Variants in TMEM89 observed in about 807,000 individuals in gnomAD.
The protein encoded by TMEM89 is transmembrane protein 89.
A neutral mutation model predicts 9.3 loss-of-function variants in TMEM89; 4 were observed. The observed-to-expected ratio is 0.43, with a 90% confidence interval of 0.21 to 0.98. The LOEUF (loss-of-function observed/expected upper bound fraction) is 0.98, where lower values mean the gene tolerates loss of function less well. Among genes scored for constraint, TMEM89 ranks in the 50% least tolerant of loss-of-function variants. The pLI, the probability that TMEM89 is intolerant of heterozygous loss-of-function variation, is 0.27. For synonymous variants in TMEM89, 96 were observed against 92.5 expected (o/e 1.04, Z -0.21); for missense variants, 220 against 214.7 (o/e 1.02, Z -0.15).
rs201093529 is a variant in TMEM89, at chr3:48,621,047, G to C, written c.295-20C>G. On this transcript the variant is annotated intron_variant, in intron 1 of 1. Coordinates refer to ENST00000330862, the MANE Select transcript of TMEM89 (RefSeq NM_001008269.3). ...CGGATGCTGAGACCAGGACCAAGAG[G>C]CAGGAGTGAGAATGGTGGGCAGAGA... 866 of 1,609,222 alleles carry C rather than the reference G, an allele frequency of 5.4e-4. No homozygotes were observed. Among genetic ancestry groups the C allele is most frequent in the Non-Finnish European group, 7.0e-4 (828 of 1,176,236 alleles).
Position 48,620,935 on chromosome 3 carries a change from C to A in TMEM89, c.387G>T (p.Leu129=). 6.2e-7 allele frequency: 1 copy of A among 1,614,172 alleles called. No individual in the cohort carries two copies. Among genetic ancestry groups the A allele is most frequent in the South Asian group, 1.1e-5 (1 of 91,086 alleles). The part of the protein sequence containing the change: ...HTLLRGVLHM[L]DALLVHIEGH... Reference sequence around the variant, plus strand: ...CTTCGATGTGGACCAGGAGGGCATCCAGCATGTGCAGGACCCCACGGAGCA... The same window carrying A: ...CTTCGATGTGGACCAGGAGGGCATCAAGCATGTGCAGGACCCCACGGAGCA... The change falls in exon 2 of 2, where the codon CTG becomes CTT. Residue 129 remains leucine, a synonymous_variant. Transcript: ENST00000330862.
At chr3:48,621,401 G>A (rs1411865671) in intron 1 of TMEM89, 62 bp downstream of exon 1, 20 of 1,569,032 alleles carry the variant, frequency 1.3e-5, no homozygotes, top group South Asian at 2.3e-5. Flanking sequence ...TGGAAGACGG[G>A]CTCACTGAGC....
At position 48,620,931 on chromosome 3, in the gene TMEM89, C is replaced by G. The variant is rs370287530; in HGVS notation, c.391G>C (p.Ala131Pro). 20 of 1,614,142 alleles carry G rather than the reference C, an allele frequency of 1.2e-5. No individual in the cohort carries two copies. The highest frequency in any genetic ancestry group is 2.5e-6 in the Non-Finnish European group (3 of 1,180,026). The change falls in exon 2 of 2, where the codon GCC (alanine) becomes CCC (proline). Residue 131 changes from alanine (A) to proline (P), a missense_variant. By Grantham distance (27) the Ala-to-Pro change is conservative. Transcript: ENST00000330862. ...TGGCCTTCGATGTGGACCAGGAGGG[C>G]ATCCAGCATGTGCAGGACCCCACGG... ...LLRGVLHMLD[A>P]LLVHIEGHLR...
chr3:48,620,829 G>C lies in TMEM89; in HGVS notation c.*13C>G, dbSNP rs775512623. 1 of 1,613,734 alleles carries C rather than the reference G, an allele frequency of 6.2e-7. No homozygotes were observed. Among genetic ancestry groups the C allele is most frequent in the South Asian group, 1.1e-5 (1 of 91,068 alleles). On this transcript the variant is annotated 3_prime_UTR_variant, in exon 2 of 2. Transcript: ENST00000330862. ...GACCTCAGGCTGTCAGGCAAAGAGA[G>C]GCACATGTTCGGTCACCCACTCTGG... is the stretch of plus-strand genomic sequence containing the variant.
In TMEM89 at chr3:48,620,874, G is replaced by C; in HGVS notation, c.448C>G (p.Gln150Glu). 1 of 1,614,198 alleles carries C rather than the reference G, an allele frequency of 6.2e-7. No individual in the cohort carries two copies. Among genetic ancestry groups the C allele is most frequent in the Non-Finnish European group, 8.5e-7 (1 of 1,180,030 alleles). Residue 150 changes from glutamine (Q) to glutamate (E), a missense_variant, in exon 2 of 2, where the codon CAA becomes GAA. Gln to Glu is a conservative substitution (Grantham distance 29, BLOSUM62 2). Transcript: ENST00000330862. ...LRHLATQRQI[Q>E]IKGTSTQSG ...CTCTGGGTGGAAGTCCCCTTTATTT[G>C]GATTTGCCGCTGGGTGGCTAGATGA...
rs1307774826 is a variant in TMEM89, at chr3:48,621,393, G to C, written c.294+70C>G. 1.0e-5 allele frequency: 16 copies of C among 1,555,656 alleles called. No homozygotes were observed. The Admixed American group carries it at 2.1e-4, about 21-fold the overall frequency. On this transcript the variant is annotated intron_variant, in intron 1 of 1. Coordinates refer to ENST00000330862, the MANE Select transcript of TMEM89 (RefSeq NM_001008269.3). Reference sequence around the variant, plus strand: ...TGGACCCATGGGGCAGGGTTGGGTGGAAGACGGGCTCACTGAGCGTACGTA... The same window carrying C: ...TGGACCCATGGGGCAGGGTTGGGTGCAAGACGGGCTCACTGAGCGTACGTA...
In TMEM89 at chr3:48,621,760, C is replaced by T. The variant is rs895645456; in HGVS notation, c.-4G>A. The T allele has an allele frequency of 9.3e-6, 15 of 1,608,632 alleles. No homozygotes were observed. The highest frequency in any genetic ancestry group is 3.3e-5 in the South Asian group (3 of 90,766). On this transcript the variant is annotated 5_prime_UTR_variant, in exon 1 of 2. Transcript: ENST00000330862. ...GCGAGGCCAGCACATGCAGCATGGC[C>T]GTCGCTAGTGCCAGGGCCGGAACCC...
chr3:48,620,865 C>A lies in TMEM89; in HGVS notation c.457G>T (p.Gly153Trp). The A allele has an allele frequency of 1.2e-6, 2 of 1,614,146 alleles. No individual in the cohort carries two copies. The highest frequency in any genetic ancestry group is 1.7e-6 in the Non-Finnish European group (2 of 1,180,020). ...GGTCACCCACTCTGGGTGGAAGTCC[C>A]CTTTATTTGGATTTGCCGCTGGGTG... ...LATQRQIQIKGTSTQSG is the reference protein window; with the variant it reads ...LATQRQIQIKWTSTQSG The change falls in exon 2 of 2, where the codon GGG becomes TGG. Residue 153 changes from glycine to tryptophan, a missense_variant. Gly to Trp is a radical substitution (Grantham distance 184). Coordinates refer to ENST00000330862, the MANE Select transcript of TMEM89 (RefSeq NM_001008269.3).
intron 1 of TMEM89, 25 bp downstream of exon 1, chr3:48,621,438 G>C: frequency 1.2e-6 from 2 of 1,607,532 alleles, no homozygotes; most frequent in Non-Finnish European, 1.7e-6. Context: ...AGGGGCTGTG[G>C]GGGAGAAAGA....
intron 1 of TMEM89, 87 bp from the exon 2 acceptor site, chr3:48,621,114 G>T: frequency 7.1e-7 from 1 of 1,403,060 alleles, no homozygotes; most frequent in Non-Finnish European, 9.9e-7. Context: ...GGGGAGCAGG[G>T]AGTAGGGTGT....
intron 1 of TMEM89, 136 bp from the exon 2 acceptor site, chr3:48,621,163 T>A (rs1295295439): frequency 1.7e-5 from 16 of 914,950 alleles, no homozygotes; most frequent in Non-Finnish European, 2.5e-5. Flanking sequence ...AGACTCAGGG[T>A]GATAGAGGAT....
Position 48,621,736 on chromosome 3 carries a change from C to T in TMEM89, c.21G>A (p.Ser7=), listed in dbSNP as rs200739908. Residue 7 remains serine (S), a synonymous_variant, in exon 1 of 2, where the codon TCG becomes TCA. Transcript: ENST00000330862. ...TCACCAGCAGGAGCAGCAAAGGCAG[C>T]GAGGCCAGCACATGCAGCATGGCCG... MLHVLA[S]LPLLLLLVTS... 42 of 1,612,886 alleles carry T rather than the reference C, an allele frequency of 2.6e-5. No individual in the cohort carries two copies. The Middle Eastern group carries it at 1.0e-3, about 40-fold the overall frequency.
rs372935837 is a variant in TMEM89, at chr3:48,620,836, G to A, written c.*6C>T. 3.0e-5 allele frequency: 48 copies of A among 1,614,034 alleles called. No homozygotes were observed. In the African/African-American group the frequency reaches 6.3e-4, roughly 21 times the overall value. On this transcript the variant is annotated 3_prime_UTR_variant, in exon 2 of 2. Transcript: ENST00000330862. Reference sequence around the variant, plus strand: ...GGCTGTCAGGCAAAGAGAGGCACATGTTCGGTCACCCACTCTGGGTGGAAG... The same window carrying A: ...GGCTGTCAGGCAAAGAGAGGCACATATTCGGTCACCCACTCTGGGTGGAAG...
Position 48,620,777 on chromosome 3 carries a change from G to T in TMEM89, c.*65C>A. 6.7e-7 allele frequency: 1 copy of T among 1,496,508 alleles called. No homozygotes were observed. The highest frequency in any genetic ancestry group is 9.3e-7 in the Non-Finnish European group (1 of 1,076,448). 92.7% of individuals were successfully genotyped at this position (1,496,508 alleles called of 1,614,324 possible). ...TGAAAAGGGACACACGGTCCAGACA[G>T]GCCTGGAAAGAGCAGACCTGGCCCA... On this transcript the variant is annotated 3_prime_UTR_variant, in exon 2 of 2. Transcript: ENST00000330862.
rs144864833 is a variant in TMEM89 at position 48,621,460 on chromosome 3, C to G, written c.294+3G>C. The G allele has an allele frequency of 3.7e-6, 6 of 1,612,110 alleles. No individual in the cohort carries two copies. The East Asian group carries it at 1.3e-4, about 36-fold the overall frequency. On this transcript the variant is annotated splice_donor_region_variant and intron_variant, in intron 1 of 1. Transcript: ENST00000330862. Reference sequence around the variant, plus strand: ...GTGGGGGAGAAAGAAGAGCTGTGCTCACCTCACCCTTGGTGGCCTGTGAGC... The same window carrying G: ...GTGGGGGAGAAAGAAGAGCTGTGCTGACCTCACCCTTGGTGGCCTGTGAGC...
Position 48,621,649 on chromosome 3 carries a change from C to T in TMEM89, c.108G>A (p.Gln36=). ...PLWYQVGLDL[Q]PWGCQPKSVE... is the part of the protein sequence containing the mutation. ...CACTCTTTGGCTGACACCCCCAGGGCTGCAAGTCCAGCCCCACCTGGTACC... is the reference window on the plus strand; with the variant it reads ...CACTCTTTGGCTGACACCCCCAGGGTTGCAAGTCCAGCCCCACCTGGTACC... Residue 36 remains glutamine, a synonymous_variant, in exon 1 of 2, where the codon CAG becomes CAA. Coordinates refer to ENST00000330862, the MANE Select transcript of TMEM89 (RefSeq NM_001008269.3). The T allele has an allele frequency of 2.5e-6, 4 of 1,614,012 alleles. No homozygotes were observed. Among genetic ancestry groups the T allele is most frequent in the Non-Finnish European group, 3.4e-6 (4 of 1,179,990 alleles).
rs1243996387 is a variant in TMEM89 at position 48,621,490 on chromosome 3, C to A, written c.267G>T (p.Arg89=). Residue 89 remains arginine (R), a synonymous_variant, in exon 1 of 2, where the codon CGG becomes CGT. Transcript: ENST00000330862. ...CACCCTTGGTGGCCTGTGAGCGCCG[C>A]CGCCCCTGCAGTATCTTGCGGCAGA... ...LMICRKILQG[R]RRSQATKGEH... 1.2e-6 allele frequency: 2 copies of A among 1,613,532 alleles called. No individual in the cohort carries two copies. Among genetic ancestry groups the A allele is most frequent in the African/African-American group, 2.7e-5 (2 of 74,880 alleles).
At chr3:48,621,104 G>A in intron 1 of TMEM89, 77 bp from the exon 2 acceptor site, 5 of 1,468,532 alleles carry the variant, frequency 3.4e-6, no homozygotes, top group Non-Finnish European at 2.8e-6. Flanking sequence ...TGATGGAGCT[G>A]GGGAGCAGGG....
At position 48,621,537 on chromosome 3, in the gene TMEM89, T is replaced by A. The variant is rs762569497; in HGVS notation, c.220A>T (p.Ile74Phe). ...CAGATCATCAGCATCGTGGTGGTGA[T>A]CATGACCGCAGCCACGGGGTAGATG... ...SRIYPVAAVM[I>F]TTTMLMICRK... Residue 74 changes from isoleucine to phenylalanine, a missense_variant, in exon 1 of 2, where the codon ATC becomes TTC. By Grantham distance (21) the Ile-to-Phe change is conservative (BLOSUM62 0). Transcript: ENST00000330862. The A allele has an allele frequency of 6.2e-7, 1 of 1,613,786 alleles. No individual in the cohort carries two copies. Among genetic ancestry groups the A allele is most frequent in the Non-Finnish European group, 8.5e-7 (1 of 1,179,968 alleles).
Sources: gnomAD v4.1 joint callset for allele counts on GRCh38, gnomAD v4.1.1 for gene constraint, MANE v1.5 for transcripts, NCBI Gene and HGNC (gene_info 2026-07-23, HGNC 2026-07-21) for gene names.